The following EML1 variants were observed in gnomAD, a reference collection of about 807,000 sequenced individuals.
The protein encoded by EML1 is echinoderm microtubule-associated protein-like 1.
Under a neutral mutation model 110.4 loss-of-function variants are expected in EML1, and 27 were observed. That is an observed-to-expected ratio of 0.24 (90% CI 0.18 to 0.34). EML1 has a LOEUF of 0.34. Among genes scored for constraint, EML1 ranks in the 10% least tolerant of loss-of-function variants. The pLI is 1.00. For synonymous variants in EML1, 344 were observed against 385.8 expected (o/e 0.89, Z 1.27); for missense variants, 741 against 1,030.9 (o/e 0.72, Z 3.85).
chr14:99,880,558 A>G (rs1489836479), intron 4 of EML1, among the ~76,000 whole-genome samples: 1 of 152,116 alleles, frequency 6.6e-6, no homozygotes, highest in Non-Finnish European at 1.5e-5. Flanking sequence ...CTGTTTTTAA[A>G]CATTACTGCG....
At chr14:99,756,722 C>G (rs987521331) in intron 1 of EML1, among the ~76,000 whole-genome samples, 1 of 152,152 alleles carries the variant, frequency 6.6e-6, no homozygotes, top group Non-Finnish European at 1.5e-5. Flanking sequence ...AGCCCCCACA[C>G]CTGTGGAATC....
intron 1 of EML1, among the ~76,000 whole-genome samples, chr14:99,742,605 G>A (rs1452412745): frequency 2.0e-5 from 3 of 152,088 alleles, no homozygotes; most frequent in East Asian, 1.9e-4. Flanking sequence ...TGATACTGCC[G>A]CCCCTATTAG....
At chr14:99,920,999 G>A (rs546684214) in intron 17 of EML1, 122 bp downstream of exon 17, 48 of 871,080 alleles carry the variant, frequency 5.5e-5, no homozygotes, top group Non-Finnish European at 6.5e-5. Context: ...GTGGTTTAAC[G>A]CACAGATCAA....
intron 2 of EML1, among the ~76,000 whole-genome samples, chr14:99,857,612 A>C (rs1351924375): frequency 6.6e-6 from 1 of 152,210 alleles, no homozygotes; most frequent in Non-Finnish European, 1.5e-5. Flanking sequence ...GGCAACTGCT[A>C]GTCTACATCA....
At position 99,784,133 on chromosome 14, in the gene EML1, C is replaced by T. The variant is rs536840823; in HGVS notation, c.-27+10120C>T. On this transcript the variant is annotated intron_variant, in intron 1 of 22. Transcript: ENST00000327921. The surrounding 1 kb of genome is among the most constrained non-coding windows in gnomAD (Gnocchi z 4.5). Reference sequence around the variant, plus strand: ...TGAGATAGGATCTTGCTCTGTCGCCCAGGCTGGAGTGCAGTGGCACGATCA... The same window carrying T: ...TGAGATAGGATCTTGCTCTGTCGCCTAGGCTGGAGTGCAGTGGCACGATCA... Among the ~76,000 whole-genome samples, 21 of 152,280 alleles carry T rather than the reference C, an allele frequency of 1.4e-4. No individual in the cohort carries two copies. The highest frequency in any genetic ancestry group is 5.1e-4 in the African/African-American group (21 of 41,582).
At chr14:99,914,087 G>A in intron 13 of EML1, 92 bp from the exon 14 acceptor site, 2 of 1,483,530 alleles carry the variant, frequency 1.3e-6, no homozygotes, top group South Asian at 1.3e-5. Context: ...AACTGTTATA[G>A]GGACTATCAT....
At chr14:99,863,596 A>G (rs773797163) in intron 2 of EML1, among the ~76,000 whole-genome samples, 4 of 152,226 alleles carry the variant, frequency 2.6e-5, no homozygotes, top group Non-Finnish European at 4.4e-5. Flanking sequence ...TATAAATGCA[A>G]TCATACAACA....
At chr14:99,840,493 C>T (rs897365956) in intron 1 of EML1, among the ~76,000 whole-genome samples, 9 of 152,188 alleles carry the variant, frequency 5.9e-5, no homozygotes, top group Non-Finnish European at 7.3e-5. Context: ...TGGGAGGGCG[C>T]TGTGTGGCGT....
chr14:99,883,702 G>A (rs779182548), intron 4 of EML1, among the ~76,000 whole-genome samples: 11 of 152,152 alleles, frequency 7.2e-5, no homozygotes, highest in Non-Finnish European at 1.6e-4. Flanking sequence ...TGCCATTCTT[G>A]TGCATATTTT....
At chr14:99,849,680 T>A (rs2058760732) in intron 1 of EML1, among the ~76,000 whole-genome samples, 1 of 151,606 alleles carries the variant, frequency 6.6e-6, no homozygotes, top group African/African-American at 2.4e-5. Flanking sequence ...CCCAAGTAGC[T>A]GGGACTATAG....
chr14:99,930,198 T>C (rs1283509690), intron 17 of EML1, among the ~76,000 whole-genome samples: 1 of 152,222 alleles, frequency 6.6e-6, no homozygotes, highest in Non-Finnish European at 1.5e-5. Flanking sequence ...TCTGAGGGGT[T>C]ACCTCATAAA....
upstream of EML1, among the ~76,000 whole-genome samples, chr14:99,791,801 C>A (rs1056875505): frequency 6.6e-6 from 1 of 152,200 alleles, no homozygotes; most frequent in Non-Finnish European, 1.5e-5. Context: ...CATCTCCCCC[C>A]AAGTCTGGTT....
upstream of EML1, among the ~76,000 whole-genome samples, chr14:99,772,460 G>A (rs1480606465): frequency 2.6e-5 from 4 of 152,124 alleles, no homozygotes; most frequent in Non-Finnish European, 5.9e-5. Flanking sequence ...CGGTCACCTC[G>A]TGCCACCACC....
At chr14:99,876,384 C>T (rs1358971933) in intron 3 of EML1, among the ~76,000 whole-genome samples, 1 of 152,156 alleles carries the variant, frequency 6.6e-6, no homozygotes, top group African/African-American at 2.4e-5. Flanking sequence ...CCGCCTGAGA[C>T]TCCCCACTTC....
In EML1 at chr14:99,939,450, ACT is replaced by A. The variant is rs2060539146; in HGVS notation, c.2322+126_2322+127del. 3 of 1,468,316 alleles carry A rather than the reference ACT, an allele frequency of 2.0e-6. No individual in the cohort carries two copies. The highest frequency in any genetic ancestry group is 2.8e-6 in the Non-Finnish European group (3 of 1,088,758). 91.0% of individuals were successfully genotyped at this position (1,468,316 alleles called of 1,614,324 possible). On this transcript the variant is annotated intron_variant, in intron 21 of 21. Coordinates refer to ENST00000262233, the MANE Select transcript of EML1 (RefSeq NM_004434.3). This position sits in a 1 kb window ranked among gnomAD's most constrained non-coding sequence, Gnocchi z 4.2. Reference sequence around the variant, plus strand: ...GCTGCCAGCCACAAAGGCAGATGTGACTCTGTTCTTTGCGCCCTGAGCACTTC... The same window carrying A: ...GCTGCCAGCCACAAAGGCAGATGTGACTGTTCTTTGCGCCCTGAGCACTTC...
intron 2 of EML1, among the ~76,000 whole-genome samples, chr14:99,864,204 T>G (rs1243227899): frequency 6.6e-6 from 1 of 152,264 alleles, no homozygotes; most frequent in Non-Finnish European, 1.5e-5. Flanking sequence ...TTTCTTACCA[T>G]TGAATTTGAA....
chr14:99,940,898 G>C lies in EML1; in HGVS notation c.*786G>C. 6.6e-6 allele frequency: 1 copy of C among 152,072 alleles called. No individual in the cohort carries two copies. Among genetic ancestry groups the C allele is most frequent in the East Asian group, 1.9e-4 (1 of 5,198 alleles). 9.4% of individuals were successfully genotyped at this position (152,072 alleles called of 1,614,324 possible). The stretch of plus-strand genomic sequence containing the variant: ...TGCCACCTTCTTGTGTATATTACTT[G>C]GCATGAGATGATATTGTACTTGTAT... On this transcript the variant is annotated 3_prime_UTR_variant, in exon 22 of 22. Transcript: ENST00000262233.
chr14:99,753,318 A>G (rs990800756), intron 1 of EML1, among the ~76,000 whole-genome samples: 2 of 150,550 alleles, frequency 1.3e-5, no homozygotes, highest in African/African-American at 4.9e-5. Context: ...GGAAGTCCTC[A>G]TTGCAATTAA....
intron 1 of EML1, among the ~76,000 whole-genome samples, chr14:99,746,043 A>G (rs1246064241): frequency 6.6e-6 from 1 of 152,234 alleles, no homozygotes; most frequent in Non-Finnish European, 1.5e-5. Context: ...TAGGCACTGA[A>G]AAATGGCGGC....
Sources: gnomAD v4.1 joint callset for allele counts (sites outside exome capture counted in the v4.1 genomes callset) on GRCh38, gnomAD v4.1.1 for gene constraint, Gnocchi (gnomAD v3.1) non-coding constraint, MANE v1.5 for transcripts, NCBI Gene and HGNC (gene_info 2026-07-23, HGNC 2026-07-21) for gene names.